PRKN: variants seen among roughly 807,000 people sequenced by gnomAD.
PRKN encodes the protein E3 ubiquitin-protein ligase parkin.
PRKN carries 56 observed loss-of-function variants against 59.5 expected under a neutral mutation model. The ratio of observed to expected loss-of-function variants is 0.94; its 90% CI spans 0.76 to 1.18. The LOEUF is 1.18. Ranked by LOEUF, PRKN falls within the 50% of genes most tolerant of loss-of-function variation. The probability of loss-of-function intolerance (pLI) is 0.00; values close to 1 mark genes in which losing one functional copy is unlikely to be tolerated. For missense variants in PRKN, 657 were observed against 596.4 expected (o/e 1.10, Z -1.06); for synonymous variants, 250 against 222.1 (o/e 1.13, Z -1.12).
chr6:162,578,673 A>G (rs1258821671), intron 1 of PRKN, among the ~76,000 whole-genome samples: 2 of 152,230 alleles, frequency 1.3e-5, no homozygotes, highest in Non-Finnish European at 2.9e-5. Context: ...AATGGTTTCA[A>G]TACAATAAAG....
rs1204964541 is a variant in PRKN, at chr6:161,530,644, T to C, written c.1083+18210A>G. The stretch of plus-strand genomic sequence containing the variant: ...CGCTTCTCCTGCCTAGCCTCCCAAG[T>C]AGCTGGGATTACAGGCATTTACCAC... On this transcript the variant is annotated intron_variant, in intron 9 of 11. Transcript: ENST00000366898. The surrounding 1 kb of genome is among the most constrained non-coding windows in gnomAD (Gnocchi z 5.0). Among the ~76,000 whole-genome samples the C allele has an allele frequency of 1.3e-5, 2 of 152,060 alleles. No homozygotes were observed. Among genetic ancestry groups the C allele is most frequent in the Non-Finnish European group, 2.9e-5 (2 of 68,000 alleles).
At chr6:161,816,348 G>A (rs1216064993) in intron 6 of PRKN, among the ~76,000 whole-genome samples, 1 of 152,066 alleles carries the variant, frequency 6.6e-6, no homozygotes, top group Non-Finnish European at 1.5e-5. Context: ...TCCAGGAGAT[G>A]AGAAGGGGAG....
intron 1 of PRKN, among the ~76,000 whole-genome samples, chr6:162,496,506 T>C (rs901765521): frequency 2.0e-5 from 3 of 152,164 alleles, no homozygotes; most frequent in Non-Finnish European, 4.4e-5. Flanking sequence ...ATATCAAATA[T>C]ATAAACTTAG....
chr6:162,348,634 T>C (rs1784502107), intron 2 of PRKN, among the ~76,000 whole-genome samples: 1 of 152,208 alleles, frequency 6.6e-6, no homozygotes, highest in Non-Finnish European at 1.5e-5. Flanking sequence ...AATATTGTCA[T>C]CTTTGTAAGT....
intron 1 of PRKN, among the ~76,000 whole-genome samples, chr6:162,704,125 G>A (rs977944895): frequency 1.3e-5 from 2 of 152,154 alleles, no homozygotes; most frequent in African/African-American, 2.4e-5. Context: ...AAAGTGTGAG[G>A]ACAATGGCAG....
chr6:161,804,399 C>T (rs1028350078), intron 6 of PRKN, among the ~76,000 whole-genome samples: 20 of 152,112 alleles, frequency 1.3e-4, no homozygotes, highest in Non-Finnish European at 2.1e-4. Flanking sequence ...GCTCCACCAA[C>T]GTGCCTCGAT....
At chr6:162,404,812 A>C (rs1333411308) in intron 2 of PRKN, among the ~76,000 whole-genome samples, 1 of 152,192 alleles carries the variant, frequency 6.6e-6, no homozygotes, top group Non-Finnish European at 1.5e-5. Flanking sequence ...TCGGCCTCCC[A>C]AAGTGCTGGG....
intron 2 of PRKN, among the ~76,000 whole-genome samples, chr6:162,412,787 G>T (rs1049145695): frequency 2.0e-5 from 3 of 151,970 alleles, no homozygotes; most frequent in African/African-American, 7.2e-5. Context: ...CTTATAACTG[G>T]GTAAATTATG....
chr6:161,974,122 C>T (rs1042482059), intron 5 of PRKN, among the ~76,000 whole-genome samples: 2 of 152,140 alleles, frequency 1.3e-5, no homozygotes, highest in Admixed American at 1.3e-4. Context: ...CAAAAATTAG[C>T]CGGGCATGAC....
intron 3 of PRKN, among the ~76,000 whole-genome samples, chr6:162,241,930 T>A (rs920733374): frequency 2.6e-5 from 4 of 151,988 alleles, no homozygotes; most frequent in African/African-American, 9.7e-5. Flanking sequence ...ATTTCCTGGC[T>A]TCCCCCCACC....
At chr6:161,875,076 A>C (rs1431279246) in intron 6 of PRKN, among the ~76,000 whole-genome samples, 1 of 98,534 alleles carries the variant, frequency 1.0e-5, no homozygotes, top group Admixed American at 1.1e-4. Flanking sequence ...TTATATATAA[A>C]GTATATATGA....
At chr6:162,609,347 A>G (rs1420241470) in intron 1 of PRKN, among the ~76,000 whole-genome samples, 2 of 152,222 alleles carry the variant, frequency 1.3e-5, no homozygotes, top group Non-Finnish European at 2.9e-5. Flanking sequence ...TGGGAATTAA[A>G]CTGGACATTT....
At chr6:162,679,189 T>G (rs1779676693) in intron 1 of PRKN, among the ~76,000 whole-genome samples, 1 of 151,766 alleles carries the variant, frequency 6.6e-6, no homozygotes, top group African/African-American at 2.4e-5. Flanking sequence ...AACCTCCACC[T>G]CCCGGGTTCA....
chr6:161,381,492 A>G (rs2114929048), intron 10 of PRKN, among the ~76,000 whole-genome samples: 1 of 152,348 alleles, frequency 6.6e-6, no homozygotes, highest in African/African-American at 2.4e-5. Flanking sequence ...AGCACGATAC[A>G]AGTGCATATC....
chr6:162,410,024 A>C (rs893897049), intron 2 of PRKN, among the ~76,000 whole-genome samples: 1 of 152,206 alleles, frequency 6.6e-6, no homozygotes, highest in Admixed American at 6.5e-5. Flanking sequence ...AGCATGGCTA[A>C]CAAAATAACA....
chr6:162,569,650 C>T, intron 1 of PRKN: 1 of 693,900 alleles, frequency 1.4e-6, no homozygotes, highest in Non-Finnish European at 2.7e-6. Flanking sequence ...CCAGCTCCAC[C>T]AGGGCCATGG....
intron 1 of PRKN, among the ~76,000 whole-genome samples, chr6:162,582,861 T>C (rs1254331065): frequency 2.0e-5 from 3 of 152,202 alleles, no homozygotes; most frequent in Non-Finnish European, 4.4e-5. Flanking sequence ...TTTGCTATGC[T>C]TCCTTGCTAT....
At chr6:162,720,672 G>A (rs896586700) in intron 1 of PRKN, among the ~76,000 whole-genome samples, 5 of 151,082 alleles carry the variant, frequency 3.3e-5, no homozygotes, top group African/African-American at 7.3e-5. Flanking sequence ...GGATGGTCTC[G>A]ATCTCCTGAC....
intron 4 of PRKN, among the ~76,000 whole-genome samples, chr6:162,184,435 A>G (rs983126942): frequency 6.6e-6 from 1 of 152,162 alleles, no homozygotes; most frequent in Non-Finnish European, 1.5e-5. Flanking sequence ...AGGTAACTGA[A>G]TCATGTGGGC....
Sources: allele counts gnomAD v4.1 joint callset (sites outside exome capture counted in the v4.1 genomes callset), GRCh38; gene constraint gnomAD v4.1.1; non-coding constraint Gnocchi (gnomAD v3.1); transcripts MANE v1.5; gene names NCBI Gene and HGNC (gene_info 2026-07-23, HGNC 2026-07-21).